Variants in PCDHGA3 observed in about 807,000 individuals in gnomAD.
PCDHGA3 encodes the protein protocadherin gamma subfamily A, 3.
In PCDHGA3, 40 loss-of-function variants were observed where a neutral mutation model predicts 58.5. The ratio of observed to expected loss-of-function variants is 0.68; its 90% CI spans 0.53 to 0.89. The LOEUF is 0.89. Among genes scored for constraint, PCDHGA3 ranks in the 40% least tolerant of loss-of-function variants. The probability of loss-of-function intolerance (pLI) is 0.00; values close to 1 mark genes in which losing one functional copy is unlikely to be tolerated. For missense variants in PCDHGA3, 1,223 were observed against 1,195.9 expected, an observed-to-expected ratio of 1.02 and a Z score of -0.33; for synonymous variants, 530 against 525.7, an observed-to-expected ratio of 1.01 and a Z score of -0.11.
At chr5:141,413,396 G>A in intron 1 of PCDHGA3, 1 of 1,614,060 alleles carries the variant, frequency 6.2e-7, no homozygotes, top group Non-Finnish European at 8.5e-7. Flanking sequence ...GTCTCCAGAG[G>A]TAGGACGCAG....
rs1184509828 is a variant in PCDHGA3, at chr5:141,346,342, TC to T, written c.2314del (p.Gln772SerfsTer21). On this transcript the variant is annotated frameshift_variant, in exon 1 of 4. Transcript: ENST00000253812. LOFTEE classifies it high-confidence loss of function. ...GACTCGCGGAAGAGCCACCTGATTTTCCCCCAGCCCAACTATGCGGACACGC... is the reference window on the plus strand; with the variant it reads ...GACTCGCGGAAGAGCCACCTGATTTTCCCCAGCCCAACTATGCGGACACGC... ...TADSRKSHLI[F>X]PQPNYADTLI... The T allele has an allele frequency of 6.2e-7, 1 of 1,613,968 alleles. No individual in the cohort carries two copies. The highest frequency in any genetic ancestry group is 1.3e-5 in the African/African-American group (1 of 74,886).
At chr5:141,355,886 T>A (rs1760030024) in intron 1 of PCDHGA3, 2 of 1,613,424 alleles carry the variant, frequency 1.2e-6, no homozygotes, top group African/African-American at 2.7e-5. Flanking sequence ...GCCAGGATTC[T>A]CATAATACTT....
rs2096205933 is a variant in PCDHGA3, at chr5:141,417,998, G to C, written c.2424+71541G>C. ...GGAGGAGCTGGCCAAGGGCTCGGTGGTGGGGAACCTCGCTAAGGATCTAGG... is the reference window on the plus strand; with the variant it reads ...GGAGGAGCTGGCCAAGGGCTCGGTGCTGGGGAACCTCGCTAAGGATCTAGG... On this transcript the variant is annotated intron_variant, in intron 1 of 3. Transcript: ENST00000253812. The C allele has an allele frequency of 1.9e-6, 3 of 1,613,928 alleles. No individual in the cohort carries two copies. The East Asian group carries it at 6.7e-5, about 36-fold the overall frequency.
chr5:141,352,599 A>C, intron 1 of PCDHGA3: 1 of 1,613,758 alleles, frequency 6.2e-7, no homozygotes, highest in Non-Finnish European at 8.5e-7. Flanking sequence ...CTGTGTGATG[A>C]TCCTTCTATG....
chr5:141,449,630 T>G (rs1006977026), intron 1 of PCDHGA3, among the ~76,000 whole-genome samples: 2 of 150,024 alleles, frequency 1.3e-5, no homozygotes, highest in Non-Finnish European at 3.0e-5. Flanking sequence ...TTTAAAAAGA[T>G]GTATCTATAT....
chr5:141,344,076 C>T lies in PCDHGA3; in HGVS notation c.43C>T (p.Leu15=). 1 of 1,609,758 alleles carries T rather than the reference C, an allele frequency of 6.2e-7. No homozygotes were observed. The highest frequency in any genetic ancestry group is 8.5e-7 in the Non-Finnish European group (1 of 1,177,266). Residue 15 remains leucine, a synonymous_variant, in exon 1 of 4, where the codon CTG becomes TTG. Coordinates refer to ENST00000253812, the MANE Select transcript of PCDHGA3 (RefSeq NM_018916.4). ...LSFRNGRGLA[L]LCALLGTLCE... is the part of the protein sequence containing the mutation. ...TTTCCGAAATGGCAGAGGACTGGCC[C>T]TGCTGTGCGCGCTCCTGGGGACGCT...
At chr5:141,414,883 G>A (rs572616023) in intron 1 of PCDHGA3, 1 of 1,614,176 alleles carries the variant, frequency 6.2e-7, no homozygotes, top group South Asian at 1.1e-5. Context: ...CCTGTACCCC[G>A]CCCTCCCCAC....
At chr5:141,387,448 G>T (rs913381872) in intron 1 of PCDHGA3, among the ~76,000 whole-genome samples, 1 of 152,228 alleles carries the variant, frequency 6.6e-6, no homozygotes, top group African/African-American at 2.4e-5. Context: ...TAATCTACAT[G>T]ATTTGCCTAA....
intron 2 of PCDHGA3, among the ~76,000 whole-genome samples, chr5:141,501,301 ACAC>A (rs1380901086): frequency 6.6e-6 from 1 of 150,882 alleles, no homozygotes; most frequent in African/African-American, 2.4e-5. Context: ...ACACACACAC[ACAC>A]ACACACACAC....
chr5:141,354,371 C>CT (rs1554075239), intron 1 of PCDHGA3, among the ~76,000 whole-genome samples: 8 of 152,186 alleles, frequency 5.3e-5, no homozygotes, highest in African/African-American at 9.6e-5. Flanking sequence ...ACAAGATAGT[C>CT]ATATGCATAG....
At chr5:141,438,633 TATAC>T (rs1373299550) in intron 1 of PCDHGA3, among the ~76,000 whole-genome samples, 3,683 of 33,472 alleles carry the variant, frequency 0.11, 56 homozygotes, top group Non-Finnish European at 0.14. Flanking sequence ...TATATATATA[TATAC>T]ACACACACAC....
chr5:141,360,438 G>A (rs1761598718), intron 1 of PCDHGA3: 1 of 1,613,844 alleles, frequency 6.2e-7, no homozygotes, highest in Non-Finnish European at 8.5e-7. Flanking sequence ...AGCAGCCTCT[G>A]TGTGTTCTGG....
intron 1 of PCDHGA3, chr5:141,475,848 C>T (rs1562050268): frequency 4.4e-6 from 2 of 451,496 alleles, no homozygotes; most frequent in Non-Finnish European, 7.9e-6. Context: ...TCAGAGAGCC[C>T]GGCGCTAGCT....
intron 1 of PCDHGA3, chr5:141,371,230 A>G: frequency 6.2e-7 from 1 of 1,614,038 alleles, no homozygotes; most frequent in Non-Finnish European, 8.5e-7. Flanking sequence ...GAAATCATCT[A>G]TGCCTTCATC....
At chr5:141,456,899 G>T (rs1592472053) in intron 1 of PCDHGA3, among the ~76,000 whole-genome samples, 1 of 152,212 alleles carries the variant, frequency 6.6e-6, no homozygotes, top group East Asian at 1.9e-4. Context: ...GGAGGCAGAG[G>T]TTGCAGTGAG....
At chr5:141,488,259 C>T (rs1594750656) in intron 1 of PCDHGA3, among the ~76,000 whole-genome samples, 1 of 152,144 alleles carries the variant, frequency 6.6e-6, no homozygotes, top group African/African-American at 2.4e-5. Context: ...AAGGTTGGGG[C>T]GGGTTGGTCA....
Position 141,489,515 on chromosome 5 carries a change from G to C in PCDHGA3, c.2425-5292G>C, listed in dbSNP as rs983415025. On this transcript the variant is annotated intron_variant, in intron 1 of 3. Coordinates refer to ENST00000253812, the MANE Select transcript of PCDHGA3 (RefSeq NM_018916.4). The surrounding 1 kb of genome is among the most constrained non-coding windows in gnomAD (Gnocchi z 4.5). ...CTGGCAGTGAATCAAAAGATTGACC[G>C]AGAAAGCCTATGTGGAGCCAGCACC... 1 of 1,614,104 alleles carries C rather than the reference G, an allele frequency of 6.2e-7. No individual in the cohort carries two copies. The highest frequency in any genetic ancestry group is 8.5e-7 in the Non-Finnish European group (1 of 1,180,034).
intron 1 of PCDHGA3, chr5:141,408,218 G>A: frequency 6.4e-7 from 1 of 1,557,454 alleles, no homozygotes; most frequent in South Asian, 1.2e-5. Context: ...AGGGAGCTGC[G>A]CGCAGAGGCG....
chr5:141,412,357 T>A (rs756056496), intron 1 of PCDHGA3: 17 of 152,366 alleles, frequency 1.1e-4, no homozygotes, highest in Middle Eastern at 3.4e-3. Context: ...TAGTTTGTGA[T>A]TACCTGCTTA....
Sources: allele counts gnomAD v4.1 joint callset (sites outside exome capture counted in the v4.1 genomes callset), GRCh38; gene constraint gnomAD v4.1.1; non-coding constraint Gnocchi (gnomAD v3.1); transcripts MANE v1.5; gene names NCBI Gene and HGNC (gene_info 2026-07-23, HGNC 2026-07-21).